PLSCR1: variants seen among roughly 807,000 people sequenced by gnomAD.
The protein encoded by PLSCR1 is PL scramblase 1.
A neutral mutation model predicts 37.8 loss-of-function variants in PLSCR1; 17 were observed. The ratio of observed to expected loss-of-function variants is 0.45; its 90% CI spans 0.31 to 0.68. PLSCR1 has a LOEUF of 0.68. PLSCR1 is among the 30% of genes least tolerant of loss of function. The pLI, the probability that PLSCR1 is intolerant of heterozygous loss-of-function variation, is 0.06. For synonymous variants in PLSCR1, 116 were observed against 125.9 expected, an observed-to-expected ratio of 0.92 and a Z score of 0.53; for missense variants, 347 against 380.9, an observed-to-expected ratio of 0.91 and a Z score of 0.74.
chr3:146,518,173 G>A (rs187948834), intron 7 of PLSCR1, among the ~76,000 whole-genome samples: 29 of 152,282 alleles, frequency 1.9e-4, no homozygotes, highest in Non-Finnish European at 3.5e-4. Context: ...CATGTTACTT[G>A]TTTGAACAAC....
chr3:146,534,215 A>C (rs1261417799), intron 2 of PLSCR1, among the ~76,000 whole-genome samples: 1 of 152,142 alleles, frequency 6.6e-6, no homozygotes, highest in Non-Finnish European at 1.5e-5. Context: ...ATTCATGTCT[A>C]TCTAGTCATT....
intron 7 of PLSCR1, among the ~76,000 whole-genome samples, chr3:146,519,419 A>G (rs571298997): frequency 1.3e-5 from 2 of 152,240 alleles, no homozygotes; most frequent in East Asian, 1.9e-4. Context: ...TTTCAAGCTC[A>G]TAGACAGAGC....
rs185547675 is a variant in PLSCR1, at chr3:146,535,734, T to C, written c.13+806A>G. Among the ~76,000 whole-genome samples, 8 of 152,268 alleles carry C rather than the reference T, an allele frequency of 5.3e-5. No individual in the cohort carries two copies. In the East Asian group the frequency reaches 1.5e-3, roughly 29 times the overall value. On this transcript the variant is annotated intron_variant, in intron 2 of 8. Coordinates refer to ENST00000342435, the MANE Select transcript of PLSCR1 (RefSeq NM_021105.3). The stretch of plus-strand genomic sequence containing the variant: ...TAAACCAGTATAATTCTATATAAAT[T>C]TACATTTAAAAAGCTTTGAGTTTTG...
chr3:146,529,810 T>C (rs2044171737), intron 3 of PLSCR1, among the ~76,000 whole-genome samples: 1 of 152,090 alleles, frequency 6.6e-6, no homozygotes, highest in Non-Finnish European at 1.5e-5. Flanking sequence ...ACCGCGCCCA[T>C]TCGTTTAGTA....
intron 1 of PLSCR1, among the ~76,000 whole-genome samples, chr3:146,539,920 T>G (rs985598830): frequency 1.3e-5 from 2 of 152,226 alleles, no homozygotes; most frequent in Admixed American, 6.5e-5. Context: ...TCATCCACTA[T>G]GTGGATGCCT....
At chr3:146,528,459 A>C (rs868612944) in intron 4 of PLSCR1, 155 bp downstream of exon 4, 8 of 643,284 alleles carry the variant, frequency 1.2e-5, no homozygotes, top group Non-Finnish European at 2.2e-5. Flanking sequence ...TTTGCTTTAA[A>C]ATTGAACCAG....
intron 3 of PLSCR1, among the ~76,000 whole-genome samples, chr3:146,530,975 A>G (rs572228295): frequency 1.3e-5 from 2 of 152,312 alleles, no homozygotes; most frequent in East Asian, 3.9e-4. Context: ...TTATATCCCC[A>G]CTTATTCTAG....
intron 1 of PLSCR1, among the ~76,000 whole-genome samples, chr3:146,543,390 C>T (rs2044362406): frequency 6.6e-6 from 1 of 152,126 alleles, no homozygotes; most frequent in African/African-American, 2.4e-5. Context: ...TTTTCATTTC[C>T]CCGCATTTTC....
chr3:146,525,582 G>T (rs2688693), intron 5 of PLSCR1, 23 bp downstream of exon 5: 190,106 of 1,271,288 alleles, frequency 0.15, 15,122 homozygotes, highest in Admixed American at 0.25. Context: ...TATAGAAACA[G>T]GATTAAAACA....
rs183736275 is a variant in PLSCR1, at chr3:146,525,458, T to C, written c.355+147A>G. 3.0e-5 allele frequency: 17 copies of C among 572,012 alleles called. No homozygotes were observed. The Admixed American group carries it at 3.9e-4, about 13-fold the overall frequency. The allele number at this position is 572,012 out of a possible 1,614,324, so 35.4% of individuals were successfully genotyped here. ...CCTTTTGATTCCTAAATTTTAGAAATGAATTGCTGATAACATTTATTATTG... is the reference window on the plus strand; with the variant it reads ...CCTTTTGATTCCTAAATTTTAGAAACGAATTGCTGATAACATTTATTATTG... On this transcript the variant is annotated intron_variant, in intron 5 of 8. Transcript: ENST00000342435.
At chr3:146,525,698 T>C (rs1165830035) in intron 4 of PLSCR1, 51 bp from the exon 5 acceptor site, 3 of 826,858 alleles carry the variant, frequency 3.6e-6, no homozygotes, top group Non-Finnish European at 5.9e-6. Flanking sequence ...TGAAGGTTTT[T>C]ATAAGCTAAC....
chr3:146,533,584 T>C (rs1553802747), intron 2 of PLSCR1, 34 bp from the exon 3 acceptor site: 3 of 1,185,414 alleles, frequency 2.5e-6, no homozygotes, highest in South Asian at 2.5e-5. Context: ...AGATGTCTGA[T>C]TAAATAAAAT....
At chr3:146,518,239 C>T (rs1223860648) in intron 7 of PLSCR1, among the ~76,000 whole-genome samples, 1 of 152,100 alleles carries the variant, frequency 6.6e-6, no homozygotes, top group Non-Finnish European at 1.5e-5. Context: ...AGTGCTTTGG[C>T]CTGGCTTATG....
At chr3:146,536,368 T>C (rs2044264290) in intron 2 of PLSCR1, among the ~76,000 whole-genome samples, 172 bp downstream of exon 2, 2 of 152,208 alleles carry the variant, frequency 1.3e-5, no homozygotes, top group Non-Finnish European at 2.9e-5. Context: ...GCTATTTTTG[T>C]ACATCTTCTC....
intron 1 of PLSCR1, among the ~76,000 whole-genome samples, chr3:146,542,446 C>T (rs1404516267): frequency 6.6e-6 from 1 of 152,172 alleles, no homozygotes; most frequent in Non-Finnish European, 1.5e-5. Context: ...GTTCTCACAA[C>T]CACAAAATTG....
At chr3:146,529,995 A>G (rs1021610125) in intron 3 of PLSCR1, among the ~76,000 whole-genome samples, 6 of 152,228 alleles carry the variant, frequency 3.9e-5, no homozygotes, top group Non-Finnish European at 7.3e-5. Flanking sequence ...TCTCTGGAAA[A>G]TATAATTTGA....
chr3:146,536,221 C>A (rs1038542443), intron 2 of PLSCR1, among the ~76,000 whole-genome samples: 1 of 152,100 alleles, frequency 6.6e-6, no homozygotes, highest in African/African-American at 2.4e-5. Flanking sequence ...CTTGAATAAT[C>A]TTTATACATA....
chr3:146,523,171 A>G (rs1231395703), intron 5 of PLSCR1, among the ~76,000 whole-genome samples: 2 of 152,268 alleles, frequency 1.3e-5, no homozygotes, highest in East Asian at 1.9e-4. Context: ...TTCTTTTCCA[A>G]GTCTCTCGTT....
At chr3:146,520,637 G>A (rs543943921) in intron 7 of PLSCR1, among the ~76,000 whole-genome samples, 6 of 152,146 alleles carry the variant, frequency 3.9e-5, no homozygotes, top group South Asian at 2.1e-4. Context: ...AAAGTCTGAC[G>A]GAGGAATAAA....
Sources: allele counts gnomAD v4.1 joint callset (sites outside exome capture counted in the v4.1 genomes callset), GRCh38; gene constraint gnomAD v4.1.1; transcripts MANE v1.5; gene names NCBI Gene and HGNC (gene_info 2026-07-23, HGNC 2026-07-21).